PRCC: variants seen among roughly 807,000 people sequenced by gnomAD.
PRCC encodes the protein proline-rich protein PRCC.
PRCC carries 10 observed loss-of-function variants against 44.0 expected under a neutral mutation model. The observed-to-expected ratio is 0.23, with a 90% CI of 0.14 to 0.39. The LOEUF is 0.39. Among genes scored for constraint, PRCC ranks in the 10% least tolerant of loss-of-function variants. The pLI, the probability that PRCC is intolerant of heterozygous loss-of-function variation, is 1.00. For missense variants in PRCC, 573 were observed against 624.7 expected (o/e 0.92, Z 0.88); for synonymous variants, 278 against 259.5 (o/e 1.07, Z -0.69).
intron 1 of PRCC, among the ~76,000 whole-genome samples, chr1:156,779,144 T>C (rs867594369): frequency 9.8e-4 from 75 of 76,588 alleles, no homozygotes; most frequent in African/African-American, 4.1e-3. Flanking sequence ...TTTTTTTTTT[T>C]TTTTTTTTTT....
intron 3 of PRCC, among the ~76,000 whole-genome samples, chr1:156,787,450 G>GATATATATATAT (rs57206380): frequency 8.0e-6 from 1 of 124,928 alleles, no homozygotes; most frequent in African/African-American, 3.2e-5. Flanking sequence ...ATTTGTGATT[G>GATATATATATAT]ATATATATAT....
Position 156,787,103 on chromosome 1 carries a change from C to T in PRCC, c.1012C>T (p.Pro338Ser), listed in dbSNP as rs199850207. 1.9e-6 allele frequency: 3 copies of T among 1,614,032 alleles called. No homozygotes were observed. The highest frequency in any genetic ancestry group is 2.7e-5 in the African/African-American group (2 of 75,012). Reference protein sequence around the residue: ...GSSGAPWMPKPGDDYSYNQFS... With the variant: ...GSSGAPWMPKSGDDYSYNQFS... ...AAGTGGGGCCCCTTGGATGCCTAAG[C>T]CTGGGGACGACTACAGCTACAATCA... The change falls in exon 3 of 7, where the codon CCT becomes TCT. Residue 338 changes from proline (P) to serine (S), a missense_variant. Physicochemically the swap from Pro to Ser is moderately conservative, Grantham distance 74. Coordinates refer to ENST00000271526, the MANE Select transcript of PRCC (RefSeq NM_005973.5).
Position 156,787,139 on chromosome 1 carries a change from T to C in PRCC, c.1048T>C (p.Tyr350His). Residue 350 changes from tyrosine (Y) to histidine (H), a missense_variant, in exon 3 of 7, where the codon TAT (tyrosine) becomes CAT (histidine). Around this residue, in one of 4 missense-constraint regions of PRCC, gnomAD observed 141 missense variants for 130.2 expected, o/e 1.08. Transcript: ENST00000271526. ...DDYSYNQFST[Y>H]GDANAAGAYY... is the part of the protein sequence containing the mutation. ...CTACAGCTACAATCAGTTTTCCACATATGGCGATGCCAATGCCGCTGGTGC... is the reference window on the plus strand; with the variant it reads ...CTACAGCTACAATCAGTTTTCCACACATGGCGATGCCAATGCCGCTGGTGC... 6.2e-7 allele frequency: 1 copy of C among 1,610,902 alleles called. No individual in the cohort carries two copies. The highest frequency in any genetic ancestry group is 8.5e-7 in the Non-Finnish European group (1 of 1,177,448).
intron 5 of PRCC, among the ~76,000 whole-genome samples, 157 bp downstream of exon 5, chr1:156,794,965 A>G (rs1652607705): frequency 6.6e-6 from 1 of 152,140 alleles, no homozygotes; most frequent in African/African-American, 2.4e-5. Flanking sequence ...TAAACCTCAC[A>G]GATACAGCTC....
chr1:156,775,711 A>T (rs1651805345), intron 1 of PRCC, among the ~76,000 whole-genome samples: 1 of 151,948 alleles, frequency 6.6e-6, no homozygotes, highest in African/African-American at 2.4e-5. Flanking sequence ...GGGTTTCACC[A>T]TATTGGCCAG....
intron 3 of PRCC, chr1:156,791,023 C>G (rs1341911574): frequency 1.7e-6 from 2 of 1,200,860 alleles, no homozygotes; most frequent in African/African-American, 3.1e-5. Flanking sequence ...CTGACTTCAC[C>G]AAGCAGAGGC....
chr1:156,780,821 C>T (rs942332067), intron 1 of PRCC, among the ~76,000 whole-genome samples: 2 of 151,858 alleles, frequency 1.3e-5, no homozygotes, highest in Admixed American at 6.6e-5. Flanking sequence ...TCTGCTTCCG[C>T]GGTTCAAGCA....
chr1:156,799,277 T>C (rs1197343684), intron 6 of PRCC, among the ~76,000 whole-genome samples: 1 of 152,222 alleles, frequency 6.6e-6, no homozygotes, highest in Non-Finnish European at 1.5e-5. Flanking sequence ...CTTAGTTTTT[T>C]TAGTATTTCT....
Position 156,767,912 on chromosome 1 carries a change from T to A in PRCC, c.141T>A (p.Gly47=). 6.3e-7 allele frequency: 1 copy of A among 1,599,768 alleles called. No individual in the cohort carries two copies. Among genetic ancestry groups the A allele is most frequent in the East Asian group, 2.3e-5 (1 of 44,362 alleles). The change falls in exon 1 of 7, where the codon GGT becomes GGA. Residue 47 remains glycine, a synonymous_variant. Transcript: ENST00000271526. ...GLFASLPAPK[G]PALLPPPPQM... is the part of the protein sequence containing the mutation. Reference sequence around the variant, plus strand: ...TCGCTTCTCTCCCTGCGCCCAAGGGTCCGGCCTTGCTGCCTCCGCCCCCTC... The same window carrying A: ...TCGCTTCTCTCCCTGCGCCCAAGGGACCGGCCTTGCTGCCTCCGCCCCCTC...
intron 1 of PRCC, among the ~76,000 whole-genome samples, chr1:156,780,405 A>T (rs1440221266): frequency 1.0e-4 from 15 of 149,660 alleles, no homozygotes; most frequent in African/African-American, 2.0e-4. Context: ...TTTATTTTAA[A>T]TTTTTTTTTT....
At chr1:156,798,930 A>G (rs1367645007) in intron 6 of PRCC, among the ~76,000 whole-genome samples, 2 of 152,072 alleles carry the variant, frequency 1.3e-5, no homozygotes, top group Non-Finnish European at 2.9e-5. Context: ...TATGCAACAT[A>G]CTAGAGAGAC....
chr1:156,774,654 G>A (rs898607923), intron 1 of PRCC, among the ~76,000 whole-genome samples: 3 of 150,940 alleles, frequency 2.0e-5, no homozygotes, highest in South Asian at 2.1e-4. Flanking sequence ...ACCTGGCTAT[G>A]TTTTTAAACA....
At chr1:156,782,248 CAGTG>C in intron 1 of PRCC, 30 bp from the exon 2 acceptor site, 1 of 1,558,648 alleles carries the variant, frequency 6.4e-7, no homozygotes, top group South Asian at 1.1e-5. Context: ...TGTCCTAAAA[CAGTG>C]AGGCCTTACT....
intron 5 of PRCC, among the ~76,000 whole-genome samples, chr1:156,795,653 C>A (rs1212150280): frequency 6.6e-6 from 1 of 152,134 alleles, no homozygotes; most frequent in Non-Finnish European, 1.5e-5. Context: ...CACAACAGCA[C>A]CTCAGAAATC....
At chr1:156,778,663 A>G (rs1651916910) in intron 1 of PRCC, among the ~76,000 whole-genome samples, 1 of 150,942 alleles carries the variant, frequency 6.6e-6, no homozygotes, top group Non-Finnish European at 1.5e-5. Flanking sequence ...GCTCACTGCA[A>G]CCTCGACTTC....
chr1:156,782,161 A>T, intron 1 of PRCC, 121 bp from the exon 2 acceptor site: 1 of 825,964 alleles, frequency 1.2e-6, no homozygotes, highest in Non-Finnish European at 1.9e-6. Flanking sequence ...GTACCTCTGT[A>T]CAGAGGTGGG....
At chr1:156,795,285 G>GT (rs35911411) in intron 5 of PRCC, among the ~76,000 whole-genome samples, 7,826 of 35,762 alleles carry the variant, frequency 0.22, 2,230 homozygotes, top group South Asian at 0.28. Context: ...ATTTTCTGGT[G>GT]TTTTTTTTTT....
intron 3 of PRCC, among the ~76,000 whole-genome samples, chr1:156,787,448 T>TATATATA (rs1491308804): frequency 2.9e-4 from 20 of 70,156 alleles, no homozygotes; most frequent in African/African-American, 8.1e-4. Context: ...ATATTTGTGA[T>TATATATA]TGATATATAT....
intron 3 of PRCC, among the ~76,000 whole-genome samples, chr1:156,789,259 C>T (rs1473389260): frequency 2.6e-5 from 4 of 152,204 alleles, no homozygotes; most frequent in Admixed American, 6.5e-5. Context: ...CGTGAGCCAC[C>T]GTACCCCGCC....
Sources: allele counts gnomAD v4.1 joint callset (sites outside exome capture counted in the v4.1 genomes callset), GRCh38; gene constraint gnomAD v4.1.1; regional missense constraint gnomAD v4.1.1; transcripts MANE v1.5; gene names NCBI Gene and HGNC (gene_info 2026-07-23, HGNC 2026-07-21).